The following ATP9A variants were observed in gnomAD, a reference collection of about 807,000 sequenced individuals.
The protein encoded by ATP9A is probable phospholipid-transporting ATPase IIA.
Under a neutral mutation model 144.1 loss-of-function variants are expected in ATP9A, and 52 were observed. The ratio of observed to expected loss-of-function variants is 0.36; its 90% confidence interval spans 0.29 to 0.45. The LOEUF (loss-of-function observed/expected upper bound fraction) is 0.45. Among genes scored for constraint, ATP9A ranks in the 20% least tolerant of loss-of-function variants. The pLI is 1.00. For synonymous variants in ATP9A, 582 were observed against 557.4 expected, an observed-to-expected ratio of 1.04 and a Z score of -0.62; for missense variants, 947 against 1,392.7, an observed-to-expected ratio of 0.68 and a Z score of 5.09.
At chr20:51,664,172 G>A (rs1193902211) in intron 13 of ATP9A, among the ~76,000 whole-genome samples, 8 of 149,528 alleles carry the variant, frequency 5.4e-5, no homozygotes, top group Non-Finnish European at 8.9e-5. Context: ...GAGCTACCAC[G>A]CCCAGCAGGA....
At chr20:51,605,046 C>A (rs776963325) in intron 26 of ATP9A, 26 bp from the exon 27 acceptor site, 4 of 1,550,474 alleles carry the variant, frequency 2.6e-6, no homozygotes, top group Non-Finnish European at 8.7e-7. Context: ...AAGGGTATTC[C>A]CCTCACCCTC....
At chr20:51,673,470 A>G (rs1014215206) in intron 11 of ATP9A, among the ~76,000 whole-genome samples, 1 of 152,228 alleles carries the variant, frequency 6.6e-6, no homozygotes, top group Non-Finnish European at 1.5e-5. Flanking sequence ...GCACACCTAC[A>G]GCAGACACTG....
intron 9 of ATP9A, among the ~76,000 whole-genome samples, chr20:51,682,725 G>C (rs2077505557): frequency 6.7e-6 from 1 of 148,852 alleles, no homozygotes; most frequent in Admixed American, 6.7e-5. Context: ...CTGAGTAACT[G>C]AGATTACAGG....
intron 15 of ATP9A, among the ~76,000 whole-genome samples, chr20:51,637,672 C>G (rs77230288): frequency 0.022 from 3,247 of 150,768 alleles, 127 homozygotes; most frequent in African/African-American, 0.074. Flanking sequence ...CCTATGTTAT[C>G]AATTTCTACT....
chr20:51,671,955 C>T (rs780571623), intron 11 of ATP9A, among the ~76,000 whole-genome samples: 3 of 152,068 alleles, frequency 2.0e-5, no homozygotes, highest in African/African-American at 4.8e-5. Context: ...TGTGCCACCA[C>T]GCCGGGCTAA....
intron 1 of ATP9A, among the ~76,000 whole-genome samples, chr20:51,763,170 C>A (rs1204293838): frequency 6.6e-6 from 1 of 152,074 alleles, no homozygotes. Context: ...TCACTGGTTG[C>A]CTGGGACTGG....
intron 24 of ATP9A, among the ~76,000 whole-genome samples, chr20:51,608,922 CGTGTGTGTGTGTGTGTGTGT>C (rs1214031645): frequency 5.6e-5 from 8 of 142,794 alleles, no homozygotes; most frequent in Non-Finnish European, 1.2e-4. Flanking sequence ...GGAAATAAGA[CGTGTGTGTGTGTGTGTGTGT>C]GTGTGTGTGT....
chr20:51,753,181 T>C (rs2077840104), intron 1 of ATP9A, among the ~76,000 whole-genome samples: 1 of 152,132 alleles, frequency 6.6e-6, no homozygotes, highest in African/African-American at 2.4e-5. Flanking sequence ...AATCAACTTG[T>C]GAGACTATAA....
chr20:51,736,326 T>C (rs1308322082), intron 1 of ATP9A, among the ~76,000 whole-genome samples: 1 of 151,962 alleles, frequency 6.6e-6, no homozygotes, highest in East Asian at 1.9e-4. Flanking sequence ...GTGTGGATCA[T>C]TTGAAGGTTA....
At chr20:51,748,132 G>GGT (rs1302938648) in intron 1 of ATP9A, among the ~76,000 whole-genome samples, 1 of 152,052 alleles carries the variant, frequency 6.6e-6, no homozygotes, top group African/African-American at 2.4e-5. Context: ...AAACCTACAG[G>GGT]GGCCCAGCAA....
chr20:51,667,794 G>A (rs2077438896), intron 13 of ATP9A, among the ~76,000 whole-genome samples: 1 of 151,944 alleles, frequency 6.6e-6, no homozygotes, highest in African/African-American at 2.4e-5. Flanking sequence ...CATCATGCCT[G>A]TAATCCCAAC....
chr20:51,604,015 G>A (rs1005047316), intron 27 of ATP9A, among the ~76,000 whole-genome samples: 7 of 152,154 alleles, frequency 4.6e-5, no homozygotes, highest in Non-Finnish European at 5.9e-5. Flanking sequence ...TCCTGACCTC[G>A]TGATCCACCC....
chr20:51,736,939 T>C (rs1316144003), intron 1 of ATP9A, among the ~76,000 whole-genome samples: 2 of 152,054 alleles, frequency 1.3e-5, no homozygotes, highest in African/African-American at 4.8e-5. Flanking sequence ...ATGCACAATC[T>C]CTAAAATGTC....
chr20:51,655,418 A>G (rs1292036860), intron 14 of ATP9A, among the ~76,000 whole-genome samples: 1 of 152,214 alleles, frequency 6.6e-6, no homozygotes, highest in African/African-American at 2.4e-5. Flanking sequence ...AAAACAAACA[A>G]ACAACACCTC....
chr20:51,760,357 ACCTAAC>A (rs998980705), intron 1 of ATP9A, among the ~76,000 whole-genome samples: 38 of 152,240 alleles, frequency 2.5e-4, no homozygotes, highest in African/African-American at 8.9e-4. Context: ...CCTCTCAGGA[ACCTAAC>A]CCCATATTTC....
chr20:51,730,120 AG>A (rs2050753144), intron 1 of ATP9A, 142 bp from the exon 2 acceptor site: 1 of 963,850 alleles, frequency 1.0e-6, no homozygotes, highest in Admixed American at 3.8e-5. Flanking sequence ...TTCATCTTTC[AG>A]TGAAACAAGA....
chr20:51,605,739 C>G (rs2077160662), intron 26 of ATP9A, among the ~76,000 whole-genome samples: 2 of 152,018 alleles, frequency 1.3e-5, no homozygotes, highest in African/African-American at 4.8e-5. Context: ...ATGGCGAAAC[C>G]CTGTCTCTAC....
chr20:51,739,567 GA>G (rs2077776543), intron 1 of ATP9A, among the ~76,000 whole-genome samples: 1 of 151,790 alleles, frequency 6.6e-6, no homozygotes, highest in Non-Finnish European at 1.5e-5. Context: ...TGTTAGCCAG[GA>G]TGGTCTCGAT....
rs1488047077 is a variant in ATP9A at position 51,755,312 on chromosome 20, G to A, written c.68+12990C>T. On this transcript the variant is annotated intron_variant, in intron 1 of 27. Coordinates refer to ENST00000338821, the MANE Select transcript of ATP9A (RefSeq NM_006045.3). The stretch of plus-strand genomic sequence containing the variant: ...TTAGCTGGCGTGGTGCCACGGGCCT[G>A]TAATCCCAGCTACCCAGGAGGCTGA... 4.0e-5 allele frequency among the ~76,000 whole-genome samples: 6 copies of A among 151,822 alleles called. No homozygotes were observed. The East Asian group carries it at 1.2e-3, about 30-fold the overall frequency.
Sources: allele counts gnomAD v4.1 joint callset (sites outside exome capture counted in the v4.1 genomes callset), GRCh38; gene constraint gnomAD v4.1.1; transcripts MANE v1.5; gene names NCBI Gene and HGNC (gene_info 2026-07-23, HGNC 2026-07-21).